Variants in DNAH9 observed in about 807,000 individuals in gnomAD.
DNAH9 encodes the protein dynein axonemal heavy chain 9, also known as DNAH9 variant protein.
DNAH9 carries 345 observed loss-of-function variants against 471.6 expected under a neutral mutation model. The ratio of observed to expected loss-of-function variants is 0.73; its 90% CI spans 0.67 to 0.80. The LOEUF (loss-of-function observed/expected upper bound fraction) is 0.80, where lower values mean the gene tolerates loss of function less well. Among genes scored for constraint, DNAH9 ranks in the 30% least tolerant of loss-of-function variants. DNAH9 has a pLI of 0.00. For synonymous variants in DNAH9, 2,093 were observed against 2,123.6 expected (o/e 0.99, Z 0.40); for missense variants, 5,407 against 5,609.2 (o/e 0.96, Z 1.15).
At chr17:11,793,184 A>G (rs1969122293) in intron 41 of DNAH9, among the ~76,000 whole-genome samples, 1 of 152,240 alleles carries the variant, frequency 6.6e-6, no homozygotes, top group South Asian at 2.1e-4. Context: ...TTCCACTTTG[A>G]AAAGTGAGCA....
At chr17:11,726,784 TATGCCTGTC>T (rs2075160069) in intron 27 of DNAH9, among the ~76,000 whole-genome samples, 1 of 152,070 alleles carries the variant, frequency 6.6e-6, no homozygotes, top group Non-Finnish European at 1.5e-5. Context: ...CATGGTGGCT[TATGCCTGTC>T]ATCCCAGCAC....
chr17:11,747,909 A>G, intron 32 of DNAH9, 143 bp downstream of exon 32: 1 of 743,616 alleles, frequency 1.3e-6, no homozygotes, highest in South Asian at 1.8e-5. Flanking sequence ...AAGCCAGTAG[A>G]AAGGGAGAAA....
intron 32 of DNAH9, among the ~76,000 whole-genome samples, chr17:11,748,764 G>GA (rs941448567): frequency 6.6e-6 from 1 of 151,922 alleles, no homozygotes; most frequent in African/African-American, 2.4e-5. Flanking sequence ...AGTTGAGGGG[G>GA]AAAAAAAGAG....
At chr17:11,721,841 A>G (rs894021133) in intron 27 of DNAH9, among the ~76,000 whole-genome samples, 4 of 152,174 alleles carry the variant, frequency 2.6e-5, no homozygotes, top group African/African-American at 9.7e-5. Flanking sequence ...GCCCTGGAAT[A>G]TTCCAGAGTA....
chr17:11,940,461 C>CAGAG (rs1974867890), intron 66 of DNAH9, among the ~76,000 whole-genome samples: 1 of 152,112 alleles, frequency 6.6e-6, no homozygotes, highest in African/African-American at 2.4e-5. Flanking sequence ...AACTCTGCTC[C>CAGAG]AGAGAAAAAT....
chr17:11,853,964 C>G, intron 49 of DNAH9, 39 bp from the exon 50 acceptor site: 1 of 1,590,100 alleles, frequency 6.3e-7, no homozygotes, highest in South Asian at 1.1e-5. Flanking sequence ...AAAGAAAGCC[C>G]ATTCATGTTC....
At chr17:11,687,642 AC>A (rs1000867710) in intron 19 of DNAH9, among the ~76,000 whole-genome samples, 3 of 152,104 alleles carry the variant, frequency 2.0e-5, no homozygotes, top group African/African-American at 7.2e-5. Context: ...TTGATGGTGA[AC>A]CCCATGATGA....
chr17:11,720,758 T>A (rs1366911100), intron 27 of DNAH9, among the ~76,000 whole-genome samples: 4 of 152,202 alleles, frequency 2.6e-5, no homozygotes, highest in Admixed American at 6.5e-5. Flanking sequence ...TGTAGCACCA[T>A]GTTTTCTCGT....
At chr17:11,765,428 G>A (rs1478145278) in intron 36 of DNAH9, among the ~76,000 whole-genome samples, 1 of 152,212 alleles carries the variant, frequency 6.6e-6, no homozygotes, top group East Asian at 1.9e-4. Flanking sequence ...AGTGAACTTG[G>A]ACAAAAAAGA....
At chr17:11,727,074 A>AAAC (rs1481220405) in intron 27 of DNAH9, among the ~76,000 whole-genome samples, 1,666 of 139,902 alleles carry the variant, frequency 0.012, 120 homozygotes, top group African/African-American at 0.045. Context: ...AAAAAAAAAA[A>AAAC]AAACCCGCTG....
Position 11,744,801 on chromosome 17 carries a change from A to C in DNAH9, c.6116A>C (p.His2039Pro). 1 of 1,611,102 alleles carries C rather than the reference A, an allele frequency of 6.2e-7. No individual in the cohort carries two copies. The highest frequency in any genetic ancestry group is 8.5e-7 in the Non-Finnish European group (1 of 1,177,952). ...TTGATCTAACACTGCCCACAGGATC[A>C]CTACGACTGGGGCCTACGGGCCATC... ...LCKELLSKQD[H>P]YDWGLRAIKS... Residue 2039 changes from histidine (H) to proline (P), a missense_variant, in exon 31 of 69, where the codon CAC becomes CCC. By Grantham distance (77) the His-to-Pro change is moderately conservative. This residue lies in a region of DNAH9 where 4,636 missense variants were observed against 4,900.3 expected (regional missense o/e 0.95). Coordinates refer to ENST00000262442, the MANE Select transcript of DNAH9 (RefSeq NM_001372.4).
chr17:11,627,586 C>A (rs2072991976), intron 6 of DNAH9, among the ~76,000 whole-genome samples: 1 of 152,116 alleles, frequency 6.6e-6, no homozygotes, highest in Admixed American at 6.5e-5. Context: ...CCATAAAATT[C>A]ATTTCGGTTT....
rs776314980 is a variant in DNAH9 at position 11,611,700 on chromosome 17, G to A, written c.824G>A (p.Arg275Lys). The change falls in exon 4 of 69, where the codon AGG (arginine) becomes AAG (lysine). Residue 275 changes from arginine to lysine, a missense_variant. By Grantham distance (26) the Arg-to-Lys change is conservative. Around this residue, in one of 3 missense-constraint regions of DNAH9, gnomAD observed 767 missense variants for 692.5 expected, o/e 1.11. Transcript: ENST00000262442. ...IYNQLRTITV[R>K]GMAKLLDKLQ... ...AATCAACTGAGAACAATAACGGTGA[G>A]GGGCATGGCCAAGCTCCTGGACAAG... The A allele has an allele frequency of 6.2e-7, 1 of 1,613,934 alleles. No homozygotes were observed. Among genetic ancestry groups the A allele is most frequent in the South Asian group, 1.1e-5 (1 of 91,076 alleles).
chr17:11,906,643 A>AAAAG (rs1195765633), intron 61 of DNAH9, among the ~76,000 whole-genome samples: 1 of 148,478 alleles, frequency 6.7e-6, no homozygotes. Context: ...AAAAAAAAAA[A>AAAAG]AAAGAAAATG....
At chr17:11,620,282 A>G (rs1352926843) in intron 6 of DNAH9, among the ~76,000 whole-genome samples, 1 of 152,280 alleles carries the variant, frequency 6.6e-6, no homozygotes, top group South Asian at 2.1e-4. Flanking sequence ...GGGGAGGCCA[A>G]GGCAGGTGGA....
intron 49 of DNAH9, among the ~76,000 whole-genome samples, chr17:11,843,863 G>GTGTGTGTGTGTGTGTA (rs1253794533): frequency 1.9e-4 from 9 of 46,468 alleles, no homozygotes; most frequent in Admixed American, 7.5e-4. Context: ...GTGTGTGTGT[G>GTGTGTGTGTGTGTGTA]TATATATATA....
intron 68 of DNAH9, among the ~76,000 whole-genome samples, chr17:11,967,708 C>A (rs1312488388): frequency 6.6e-6 from 1 of 152,052 alleles, no homozygotes; most frequent in African/African-American, 2.4e-5. Context: ...ACAAAAGACA[C>A]GTTTTAGATT....
At chr17:11,653,037 A>G (rs1810032694) in intron 14 of DNAH9, 35 bp downstream of exon 14, 3 of 1,604,076 alleles carry the variant, frequency 1.9e-6, no homozygotes, top group Non-Finnish European at 2.6e-6. Context: ...ACATACTACG[A>G]GTTTAGGGAA....
chr17:11,925,200 A>G (rs1052880185), intron 62 of DNAH9: 5 of 455,740 alleles, frequency 1.1e-5, no homozygotes, highest in Non-Finnish European at 1.8e-5. Flanking sequence ...CACCCAGCCC[A>G]CTGCCTTGAA....
Sources: allele counts gnomAD v4.1 joint callset (sites outside exome capture counted in the v4.1 genomes callset), GRCh38; gene constraint gnomAD v4.1.1; regional missense constraint gnomAD v4.1.1; transcripts MANE v1.5; gene names NCBI Gene and HGNC (gene_info 2026-07-23, HGNC 2026-07-21).